Variants in UBXN7 observed in about 807,000 individuals in gnomAD.
UBXN7 encodes UBX domain-containing protein 7.
Under a neutral mutation model 58.0 loss-of-function variants are expected in UBXN7, and 9 were observed. The observed-to-expected ratio is 0.16, with a 90% CI of 0.09 to 0.27. The LOEUF (loss-of-function observed/expected upper bound fraction) is 0.27. Among genes scored for constraint, UBXN7 ranks in the 10% least tolerant of loss-of-function variants. UBXN7 has a pLI of 1.00. For synonymous variants in UBXN7, 208 were observed against 205.0 expected (o/e 1.01, Z -0.12); for missense variants, 328 against 599.6 (o/e 0.55, Z 4.73).
At chr3:196,429,373 A>G (rs1453809971) in intron 1 of UBXN7, among the ~76,000 whole-genome samples, 1 of 152,130 alleles carries the variant, frequency 6.6e-6, no homozygotes, top group Non-Finnish European at 1.5e-5. Flanking sequence ...ACTGAATCAG[A>G]GAGAGATCTG....
rs1179864500 is a variant in UBXN7, at chr3:196,375,004, G to GAGGAAGGAAGGAAGGAAGGA, written c.469-2982_469-2963dup. ...GAAGGAAGGGAGGGAGGGAGGGAGGGAGGAAGGAAGGAAGGAAGGAAGGAA... is the reference window on the plus strand; with the variant it reads ...GAAGGAAGGGAGGGAGGGAGGGAGGGAGGAAGGAAGGAAGGAAGGAAGGAAGGAAGGAAGGAAGGAAGGAA... On this transcript the variant is annotated intron_variant, in intron 5 of 10. Coordinates refer to ENST00000296328, the MANE Select transcript of UBXN7 (RefSeq NM_015562.2). Among the ~76,000 whole-genome samples the GAGGAAGGAAGGAAGGAAGGA allele has an allele frequency of 4.8e-3, 180 of 37,502 alleles. 7 individuals carry two copies. The highest frequency in any genetic ancestry group is 0.022 in the African/African-American group (145 of 6,734). The allele number at this position is 37,502 out of a possible 152,430, so 24.6% of individuals were successfully genotyped here.
intron 5 of UBXN7, among the ~76,000 whole-genome samples, chr3:196,376,007 C>A (rs1328054002): frequency 6.6e-6 from 1 of 151,846 alleles, no homozygotes; most frequent in Non-Finnish European, 1.5e-5. Flanking sequence ...CCAGCCTAGG[C>A]AACAGGGCAA....
In UBXN7 at chr3:196,359,868, T is replaced by C. The variant is rs571557270; in HGVS notation, c.1308+1976A>G. Among the ~76,000 whole-genome samples the C allele has an allele frequency of 4.6e-5, 7 of 151,294 alleles. No individual in the cohort carries two copies. The South Asian group carries it at 1.5e-3, about 32-fold the overall frequency. ...TTGCAGTGAGCTGAGATCGCACCATTGTACTCTAGCCTGGGTGACAGAGCA... is the reference window on the plus strand; with the variant it reads ...TTGCAGTGAGCTGAGATCGCACCATCGTACTCTAGCCTGGGTGACAGAGCA... On this transcript the variant is annotated intron_variant, in intron 10 of 10. Coordinates refer to ENST00000296328, the MANE Select transcript of UBXN7 (RefSeq NM_015562.2).
intron 1 of UBXN7, among the ~76,000 whole-genome samples, chr3:196,420,222 T>TG (rs1393426364): frequency 1.3e-5 from 2 of 152,112 alleles, no homozygotes; most frequent in Non-Finnish European, 2.9e-5. Context: ...TTAAACTATT[T>TG]GCAAACTTGT....
chr3:196,416,750 AAG>A (rs1483425226), intron 1 of UBXN7, among the ~76,000 whole-genome samples: 14 of 152,218 alleles, frequency 9.2e-5, no homozygotes, highest in African/African-American at 2.9e-4. Flanking sequence ...TAAAAATATG[AAG>A]ACTTACTAGA....
intron 5 of UBXN7, among the ~76,000 whole-genome samples, chr3:196,386,193 G>A (rs1030156309): frequency 3.3e-5 from 5 of 151,624 alleles, no homozygotes; most frequent in South Asian, 2.1e-4. Context: ...CTCGTTAAGC[G>A]TCATCACCAC....
At chr3:196,405,465 G>A (rs1221899477) in intron 2 of UBXN7, among the ~76,000 whole-genome samples, 6 of 115,924 alleles carry the variant, frequency 5.2e-5, no homozygotes, top group African/African-American at 1.6e-4. Context: ...GAGAGACTCC[G>A]TCTCAAAAAA....
rs11347018 is a variant in UBXN7 at position 196,370,857 on chromosome 3, CAAAAAAAAAA to C, written c.615+1029_615+1038del. 6.2e-3 allele frequency among the ~76,000 whole-genome samples: 537 copies of C among 86,310 alleles called. 20 individuals carry two copies. The South Asian group carries it at 0.12, about 19-fold the overall frequency. The allele number at this position is 86,310 out of a possible 152,430, so 56.6% of individuals were successfully genotyped here. A position where few individuals can be genotyped will look rare whatever the true frequency, so the allele number is the denominator to read the frequency against. On this transcript the variant is annotated intron_variant, in intron 6 of 10. Transcript: ENST00000296328. ...GCAATATGGCAGGACCCCATCTCTA[CAAAAAAAAAA>C]AAAAAAAAAAAATTATATGGGCATA...
chr3:196,431,830 G>A (rs1458536604), intron 1 of UBXN7: 1 of 400,936 alleles, frequency 2.5e-6, no homozygotes, highest in South Asian at 1.7e-5. Flanking sequence ...CAGGGCCACG[G>A]CGATGGCTCC....
At chr3:196,417,611 TA>T (rs1001631852) in intron 1 of UBXN7, among the ~76,000 whole-genome samples, 2 of 149,604 alleles carry the variant, frequency 1.3e-5, no homozygotes, top group Non-Finnish European at 3.0e-5. Context: ...TACCATGAAT[TA>T]AAAGAATTCA....
chr3:196,426,992 T>C (rs984426458), intron 1 of UBXN7, among the ~76,000 whole-genome samples: 1 of 152,222 alleles, frequency 6.6e-6, no homozygotes, highest in African/African-American at 2.4e-5. Context: ...TCTATAATTT[T>C]CTCAAGTATG....
chr3:196,430,724 A>AG (rs1731003936), intron 1 of UBXN7, among the ~76,000 whole-genome samples: 1 of 152,218 alleles, frequency 6.6e-6, no homozygotes, highest in Non-Finnish European at 1.5e-5. Context: ...GGAAATCTAA[A>AG]GGATTAATAA....
chr3:196,401,405 G>C (rs1382267828), intron 3 of UBXN7, among the ~76,000 whole-genome samples: 2 of 145,898 alleles, frequency 1.4e-5, no homozygotes, highest in Non-Finnish European at 3.0e-5. Context: ...CTCAACTAAA[G>C]TACTTTATCA....
intron 1 of UBXN7, among the ~76,000 whole-genome samples, chr3:196,426,211 C>G (rs1256032942): frequency 6.6e-6 from 1 of 151,712 alleles, no homozygotes; most frequent in African/African-American, 2.4e-5. Flanking sequence ...AGATGAAACC[C>G]CATCTCCATT....
At chr3:196,412,471 T>C (rs73213962) in intron 1 of UBXN7, among the ~76,000 whole-genome samples, 11,653 of 152,108 alleles carry the variant, frequency 0.077, 527 homozygotes, top group Middle Eastern at 0.15. Context: ...GGAACCACCA[T>C]GCACTCTTGA....
intron 3 of UBXN7, among the ~76,000 whole-genome samples, chr3:196,397,115 G>C (rs1729799653): frequency 1.3e-5 from 2 of 152,088 alleles, no homozygotes; most frequent in African/African-American, 4.8e-5. Flanking sequence ...ACTGCTACCT[G>C]CCTTTTCAAT....
intron 2 of UBXN7, among the ~76,000 whole-genome samples, chr3:196,403,829 T>G (rs1352528206): frequency 6.6e-6 from 1 of 152,176 alleles, no homozygotes; most frequent in Non-Finnish European, 1.5e-5. Context: ...AAAAAGTAAT[T>G]ACTCATCTTT....
intron 5 of UBXN7, among the ~76,000 whole-genome samples, chr3:196,387,841 G>C (rs113484840): frequency 2.4e-3 from 364 of 152,158 alleles, no homozygotes; most frequent in African/African-American, 8.4e-3. Context: ...TTACACTGTT[G>C]GTGGGAGTGT....
At chr3:196,378,945 C>A (rs1281937681) in intron 5 of UBXN7, among the ~76,000 whole-genome samples, 1 of 101,938 alleles carries the variant, frequency 9.8e-6, no homozygotes, top group Non-Finnish European at 1.9e-5. Context: ...TAGCCAGCTT[C>A]TTTCCATGTT....
Sources: gnomAD v4.1 joint callset for allele counts (sites outside exome capture counted in the v4.1 genomes callset) on GRCh38, gnomAD v4.1.1 for gene constraint, MANE v1.5 for transcripts, NCBI Gene and HGNC (gene_info 2026-07-23, HGNC 2026-07-21) for gene names.